Variants in RALYL observed in about 807,000 individuals in gnomAD.
RALYL encodes the protein RNA-binding Raly-like protein.
RALYL carries 29 observed loss-of-function variants against 35.1 expected under a neutral mutation model. That is an observed-to-expected ratio of 0.83 (90% CI 0.61 to 1.13). The LOEUF is 1.13. RALYL is among the 50% of genes most tolerant of loss of function. The probability of loss-of-function intolerance (pLI) is 0.00; values close to 1 mark genes in which losing one functional copy is unlikely to be tolerated. For synonymous variants in RALYL, 120 were observed against 127.6 expected (o/e 0.94, Z 0.40); for missense variants, 359 against 360.4 (o/e 1.00, Z 0.03).
At chr8:84,467,479 C>G (rs1255049940) in intron 1 of RALYL, among the ~76,000 whole-genome samples, 3 of 151,678 alleles carry the variant, frequency 2.0e-5, no homozygotes, top group East Asian at 3.9e-4. Context: ...ATCCTGAGTT[C>G]TAGTTTGATT....
chr8:84,409,344 T>A (rs1252350766), intron 1 of RALYL, among the ~76,000 whole-genome samples: 1 of 152,094 alleles, frequency 6.6e-6, no homozygotes, highest in East Asian at 1.9e-4. Flanking sequence ...TATCTCTGAT[T>A]CTTTGCAATG....
At chr8:84,570,055 G>A (rs992684666) in intron 2 of RALYL, among the ~76,000 whole-genome samples, 9 of 151,846 alleles carry the variant, frequency 5.9e-5, no homozygotes, top group African/African-American at 1.7e-4. Context: ...GATGAGGATT[G>A]CTTTGGTTAT....
At chr8:84,281,106 A>G (rs1053699413) in intron 1 of RALYL, among the ~76,000 whole-genome samples, 2 of 152,100 alleles carry the variant, frequency 1.3e-5, no homozygotes, top group Non-Finnish European at 2.9e-5. Flanking sequence ...ATGACTATAC[A>G]GAGGTTTTTC....
chr8:84,516,051 G>T, intron 1 of RALYL, among the ~76,000 whole-genome samples: 1 of 151,704 alleles, frequency 6.6e-6, no homozygotes, highest in African/African-American at 2.4e-5. Context: ...GCTGAGAGTG[G>T]GAGAGGTGGG....
Position 84,804,750 on chromosome 8 carries a change from A to C in RALYL, c.333-20A>C. 8.7e-7 allele frequency: 1 copy of C among 1,154,838 alleles called. No individual in the cohort carries two copies. The highest frequency in any genetic ancestry group is 1.1e-6 in the Non-Finnish European group (1 of 879,862). 71.5% of individuals were successfully genotyped at this position (1,154,838 alleles called of 1,614,324 possible). On this transcript the variant is annotated intron_variant, in intron 3 of 8. Coordinates refer to ENST00000521268, the MANE Select transcript of RALYL (RefSeq NM_173848.7). ...CAGCAAATTTTTATATTAAAAGAAA[A>C]TTTTCATATTTTTTCATAGACTTGA...
rs1443244834 is a variant in RALYL, at chr8:84,582,602, G to T, written c.256+53025G>T. Among the ~76,000 whole-genome samples the T allele has an allele frequency of 3.3e-5, 5 of 151,986 alleles. 1 individual carries two copies. The highest frequency in any genetic ancestry group is 1.2e-4 in the African/African-American group (5 of 41,454). The stretch of plus-strand genomic sequence containing the variant: ...AATATGCAGTATTTTCTGGGACATT[G>T]TTATTATCTTCTTACATATGGTTCA... On this transcript the variant is annotated intron_variant, in intron 2 of 8. Coordinates refer to ENST00000521268, the MANE Select transcript of RALYL (RefSeq NM_173848.7).
chr8:84,449,456 A>C (rs926185305), intron 1 of RALYL, among the ~76,000 whole-genome samples: 1 of 151,986 alleles, frequency 6.6e-6, no homozygotes, highest in Non-Finnish European at 1.5e-5. Flanking sequence ...TTCCACCTTA[A>C]GTGTCCCTGT....
chr8:84,378,947 C>T (rs576418610), intron 1 of RALYL, among the ~76,000 whole-genome samples: 49 of 151,922 alleles, frequency 3.2e-4, no homozygotes, highest in African/African-American at 1.1e-3. Context: ...TACAGTGAAC[C>T]ATACTTGGCT....
At chr8:84,747,655 ATAAAC>A (rs1406920464) in intron 2 of RALYL, among the ~76,000 whole-genome samples, 2 of 151,976 alleles carry the variant, frequency 1.3e-5, no homozygotes, top group Non-Finnish European at 2.9e-5. Flanking sequence ...GATAACTCAA[ATAAAC>A]TAAAGCGATT....
chr8:84,440,336 A>G (rs1187418332), intron 1 of RALYL, among the ~76,000 whole-genome samples: 1 of 152,118 alleles, frequency 6.6e-6, no homozygotes, highest in African/African-American at 2.4e-5. Context: ...GTGAGAGACA[A>G]AATGGTGAAG....
chr8:84,367,307 C>A (rs1586640140), intron 1 of RALYL, among the ~76,000 whole-genome samples: 1 of 105,710 alleles, frequency 9.5e-6, no homozygotes, highest in East Asian at 2.8e-4. Context: ...TCCTGCCCAA[C>A]TAATTTTTGT....
intron 1 of RALYL, among the ~76,000 whole-genome samples, chr8:84,398,076 T>G (rs1563850405): frequency 6.6e-6 from 1 of 152,228 alleles, no homozygotes; most frequent in Non-Finnish European, 1.5e-5. Flanking sequence ...GAATTTTAAG[T>G]GTAGAGAATG....
intron 1 of RALYL, among the ~76,000 whole-genome samples, chr8:84,299,822 G>GTCATTTA (rs144870361): frequency 0.049 from 7,397 of 151,664 alleles, 276 homozygotes; most frequent in African/African-American, 0.088. Flanking sequence ...TGTCCCCTTT[G>GTCATTTA]TGATGGTGTT....
intron 2 of RALYL, among the ~76,000 whole-genome samples, chr8:84,622,707 A>T (rs1203119851): frequency 6.6e-6 from 1 of 152,218 alleles, no homozygotes; most frequent in Non-Finnish European, 1.5e-5. Context: ...GCTGGCATCA[A>T]TGAGGTAAGG....
chr8:84,425,360 T>C (rs1041382798), intron 1 of RALYL, among the ~76,000 whole-genome samples: 3 of 152,176 alleles, frequency 2.0e-5, no homozygotes, highest in Non-Finnish European at 4.4e-5. Flanking sequence ...GGGAACTCCC[T>C]GACCCCTTGC....
chr8:84,870,525 A>AT (rs1157069184), intron 6 of RALYL, among the ~76,000 whole-genome samples: 11 of 152,018 alleles, frequency 7.2e-5, no homozygotes, highest in Admixed American at 6.6e-4. Flanking sequence ...AGAGCAAAAG[A>AT]TATTTTTCCT....
chr8:84,752,378 T>G (rs189444560), intron 2 of RALYL, among the ~76,000 whole-genome samples: 140 of 152,276 alleles, frequency 9.2e-4, no homozygotes, highest in African/African-American at 3.1e-3. Context: ...AACTTATATT[T>G]AAAAGGGAAG....
chr8:84,428,216 A>T (rs1165348606), intron 1 of RALYL, among the ~76,000 whole-genome samples: 2 of 152,144 alleles, frequency 1.3e-5, no homozygotes, highest in Non-Finnish European at 2.9e-5. Context: ...ATAAACTATT[A>T]GTTATAGTTT....
chr8:84,648,507 A>T (rs914369712), intron 2 of RALYL, among the ~76,000 whole-genome samples: 3 of 152,026 alleles, frequency 2.0e-5, no homozygotes, highest in Non-Finnish European at 4.4e-5. Context: ...CTTTTGTCCA[A>T]TGATTCTGAT....
Sources: gnomAD v4.1 joint callset for allele counts (sites outside exome capture counted in the v4.1 genomes callset) on GRCh38, gnomAD v4.1.1 for gene constraint, MANE v1.5 for transcripts, NCBI Gene and HGNC (gene_info 2026-07-23, HGNC 2026-07-21) for gene names.